The following FBXL2 variants were observed in gnomAD, a reference collection of about 807,000 sequenced individuals.
FBXL2 encodes the protein F-box/LRR-repeat protein 2.
FBXL2 carries 38 observed loss-of-function variants against 69.2 expected under a neutral mutation model. That is an observed-to-expected ratio of 0.55 (90% CI 0.42 to 0.72). The LOEUF (loss-of-function observed/expected upper bound fraction) is 0.72, where lower values mean the gene tolerates loss of function less well. FBXL2 is among the 30% of genes least tolerant of loss of function. The probability of loss-of-function intolerance (pLI) is 0.00; values close to 1 mark genes in which losing one functional copy is unlikely to be tolerated. For missense variants in FBXL2, 354 were observed against 520.3 expected, an observed-to-expected ratio of 0.68 and a Z score of 3.11; for synonymous variants, 192 against 201.3, an observed-to-expected ratio of 0.95 and a Z score of 0.39.
intron 2 of FBXL2, among the ~76,000 whole-genome samples, chr3:33,357,266 T>G (rs1417361587): frequency 6.6e-6 from 1 of 152,188 alleles, no homozygotes; most frequent in African/African-American, 2.4e-5. Flanking sequence ...GGCTTATGCT[T>G]TTAGAACCCA....
chr3:33,378,218 A>C lies in FBXL2; in HGVS notation c.894+71A>C, dbSNP rs2042773150. ...CATTGCTGGCCAGTGCAGCACAGCC[A>C]GAGACACTGACTCGCTATCATCCTG... On this transcript the variant is annotated intron_variant, in intron 12 of 14. Transcript: ENST00000484457. The C allele has an allele frequency of 2.8e-6, 4 of 1,438,958 alleles. No homozygotes were observed. The East Asian group carries it at 9.1e-5, about 33-fold the overall frequency. The allele number at this position is 1,438,958 out of a possible 1,614,324, so 89.1% of individuals were successfully genotyped here.
chr3:33,335,080 A>C (rs1347420019), intron 2 of FBXL2, among the ~76,000 whole-genome samples: 1 of 151,396 alleles, frequency 6.6e-6, no homozygotes, highest in Non-Finnish European at 1.5e-5. Context: ...CAGCCTGGGC[A>C]ACAGAGTGAG....
chr3:33,284,242 A>G (rs1419701277), intron 1 of FBXL2, among the ~76,000 whole-genome samples: 1 of 152,144 alleles, frequency 6.6e-6, no homozygotes, highest in Non-Finnish European at 1.5e-5. Flanking sequence ...AGATTCTGGT[A>G]TGTTGTGTCT....
At chr3:33,382,497 A>G (rs2154051733) in intron 13 of FBXL2, 1 of 152,260 alleles carries the variant, frequency 6.6e-6, no homozygotes. Context: ...ATGTATACTC[A>G]TCTGGTTTCC....
chr3:33,286,479 G>C (rs1332441556), intron 1 of FBXL2, among the ~76,000 whole-genome samples: 1 of 152,228 alleles, frequency 6.6e-6, no homozygotes, highest in Non-Finnish European at 1.5e-5. Context: ...AGGCTGCTCA[G>C]GGGTCAGGGA....
chr3:33,342,395 A>G (rs1355217661), intron 2 of FBXL2, among the ~76,000 whole-genome samples: 2 of 151,534 alleles, frequency 1.3e-5, no homozygotes, highest in Admixed American at 6.6e-5. Context: ...ATGATAAAGA[A>G]GAAAAAACAT....
At chr3:33,396,229 G>A (rs755150076) in intron 12 of FBXL2, 2 of 1,593,632 alleles carry the variant, frequency 1.3e-6, no homozygotes, top group East Asian at 2.3e-5. Flanking sequence ...GCAGCACTGT[G>A]CTGCTTGGCT....
At chr3:33,333,878 G>C in intron 2 of FBXL2, among the ~76,000 whole-genome samples, 1 of 152,174 alleles carries the variant, frequency 6.6e-6, no homozygotes, top group East Asian at 1.9e-4. Context: ...CAAACAAAAA[G>C]TATCGAAACT....
At chr3:33,396,809 ATG>A (rs1474337494) in intron 12 of FBXL2, 1 of 662,372 alleles carries the variant, frequency 1.5e-6, no homozygotes, top group Admixed American at 2.1e-5. Context: ...AGTACTGCCC[ATG>A]TGCATTTCTA....
At chr3:33,418,582 C>T in the FBXL2 span, among the ~76,000 whole-genome samples, 10 of 151,778 alleles carry the variant, frequency 6.6e-5, no homozygotes, top group Non-Finnish European at 1.3e-4. Flanking sequence ...AATTAGGCTG[C>T]GCGCAGTGGC....
chr3:33,339,075 CACAAACAA>C (rs374243047), intron 2 of FBXL2, among the ~76,000 whole-genome samples: 6 of 151,906 alleles, frequency 3.9e-5, no homozygotes, highest in African/African-American at 1.4e-4. Context: ...TAAATAAATT[CACAAACAA>C]ACAAACAAAA....
chr3:33,375,758 A>C (rs535440102), intron 10 of FBXL2, among the ~76,000 whole-genome samples: 1 of 152,312 alleles, frequency 6.6e-6, no homozygotes, highest in South Asian at 2.1e-4. Context: ...TCCAAAGGAC[A>C]TGAGCTTCTC....
chr3:33,382,148 ACT>A (rs1321237319), intron 13 of FBXL2, among the ~76,000 whole-genome samples: 1 of 152,184 alleles, frequency 6.6e-6, no homozygotes, highest in African/African-American at 2.4e-5. Context: ...TCAAGTCCAA[ACT>A]CTCAGACATT....
At chr3:33,347,455 A>T (rs1453826565) in intron 2 of FBXL2, among the ~76,000 whole-genome samples, 1 of 152,190 alleles carries the variant, frequency 6.6e-6, no homozygotes, top group African/African-American at 2.4e-5. Flanking sequence ...AATCTTGGCT[A>T]TTGTGAACAG....
chr3:33,420,689 A>G, the FBXL2 span, among the ~76,000 whole-genome samples: 5 of 152,044 alleles, frequency 3.3e-5, no homozygotes, highest in African/African-American at 9.7e-5. Context: ...GGGTTTCACC[A>G]TGTTGGCTAG....
At chr3:33,406,686 AGTG>A (rs2044437161), downstream of FBXL2, among the ~76,000 whole-genome samples, 1 of 152,236 alleles carries the variant, frequency 6.6e-6, no homozygotes, top group Admixed American at 6.5e-5. Context: ...GCGATGGTGC[AGTG>A]CCTATGCTCC....
intron 3 of FBXL2, 128 bp downstream of exon 3, chr3:33,359,149 G>A (rs2041429243): frequency 1.1e-6 from 1 of 907,142 alleles, no homozygotes; most frequent in East Asian, 2.7e-5. Flanking sequence ...GTATAATTTT[G>A]CATTTGATGA....
chr3:33,388,083 A>AG lies in FBXL2; in HGVS notation c.*2475_*2476insG, dbSNP rs2154053527. 1 of 150,740 alleles carries AG rather than the reference A, an allele frequency of 6.6e-6. No homozygotes were observed. Among genetic ancestry groups the AG allele is most frequent in the South Asian group, 2.1e-4 (1 of 4,744 alleles). 9.3% of individuals were successfully genotyped at this position (150,740 alleles called of 1,614,324 possible). A position where few individuals can be genotyped will look rare whatever the true frequency, so the allele number is the denominator to read the frequency against. On this transcript the variant is annotated 3_prime_UTR_variant, in exon 15 of 15. Transcript: ENST00000484457. ...AGACTCCGTCTCAAAAAAAAAAAAA[A>AG]AAAAGAAAATCAGGTTTGCTTCCTT...
intron 2 of FBXL2, among the ~76,000 whole-genome samples, chr3:33,311,655 G>C (rs1420938564): frequency 6.6e-6 from 1 of 151,464 alleles, no homozygotes; most frequent in African/African-American, 2.4e-5. Context: ...ACAGAGTCTT[G>C]CTCTGTTCGC....
Sources: allele counts gnomAD v4.1 joint callset (sites outside exome capture counted in the v4.1 genomes callset), GRCh38; gene constraint gnomAD v4.1.1; transcripts MANE v1.5; gene names NCBI Gene and HGNC (gene_info 2026-07-23, HGNC 2026-07-21).